The following IGF2BP1 variants were observed in gnomAD, a reference collection of about 807,000 sequenced individuals.
IGF2BP1 encodes the protein insulin like growth factor 2 mRNA binding protein 1.
Under a neutral mutation model 74.9 loss-of-function variants are expected in IGF2BP1, and 11 were observed. That is an observed-to-expected ratio of 0.15 (90% CI 0.09 to 0.24). The LOEUF (loss-of-function observed/expected upper bound fraction) is 0.24. Among genes scored for constraint, IGF2BP1 ranks in the 10% least tolerant of loss-of-function variants. IGF2BP1 has a pLI of 1.00. For missense variants in IGF2BP1, 440 were observed against 757.4 expected, an observed-to-expected ratio of 0.58 and a Z score of 4.92; for synonymous variants, 287 against 281.8, an observed-to-expected ratio of 1.02 and a Z score of -0.18.
intron 4 of IGF2BP1, 138 bp downstream of exon 4, chr17:49,026,655 T>G (rs1263635826): frequency 2.2e-5 from 14 of 634,652 alleles, no homozygotes; most frequent in East Asian, 2.0e-4. Context: ...CTGCCTGCCT[T>G]CCTGCCTTCC....
intron 14 of IGF2BP1, among the ~76,000 whole-genome samples, chr17:49,046,734 T>G (rs1215560297): frequency 3.3e-5 from 5 of 151,786 alleles, no homozygotes; most frequent in Non-Finnish European, 7.4e-5. Flanking sequence ...GAAAGAAGAT[T>G]AGTTTTGTTC....
At chr17:49,024,457 A>T (rs1456029032) in intron 2 of IGF2BP1, among the ~76,000 whole-genome samples, 1 of 152,146 alleles carries the variant, frequency 6.6e-6, no homozygotes, top group Non-Finnish European at 1.5e-5. Context: ...ACAGTACTGT[A>T]TAGTTACTGG....
intron 2 of IGF2BP1, chr17:49,004,854 A>G (rs537499660): frequency 2.6e-5 from 4 of 152,342 alleles, no homozygotes; most frequent in Admixed American, 1.3e-4. Flanking sequence ...CCTGTACTCA[A>G]GAAAGTGTAT....
rs776186264 is a variant in IGF2BP1, at chr17:48,997,780, G to C, written c.35G>C (p.Ser12Thr). ...CTTTACATCGGCAACCTCAACGAGA[G>C]CGTGACCCCCGCGGACTTGGAGAAA... ...NKLYIGNLNE[S>T]VTPADLEKVF... Residue 12 changes from serine (S) to threonine (T), a missense_variant, in exon 1 of 15, where the codon AGC becomes ACC. Physicochemically the swap from Ser to Thr is moderately conservative, Grantham distance 58 (BLOSUM62 1). Coordinates refer to ENST00000290341, the MANE Select transcript of IGF2BP1 (RefSeq NM_006546.4). The surrounding 1 kb of genome is among the most constrained non-coding windows in gnomAD (Gnocchi z 4.8). 2.5e-6 allele frequency: 4 copies of C among 1,614,144 alleles called. No homozygotes were observed. Among genetic ancestry groups the C allele is most frequent in the Non-Finnish European group, 2.5e-6 (3 of 1,180,010 alleles).
At chr17:49,011,155 AAAAAAAAAAAAAC>A (rs1567811460) in intron 2 of IGF2BP1, among the ~76,000 whole-genome samples, 29 of 144,782 alleles carry the variant, frequency 2.0e-4, no homozygotes, top group South Asian at 1.7e-3. Flanking sequence ...AAAAAAAAAA[AAAAAAAAAAAAAC>A]AAACCCTAAA....
At chr17:49,009,984 G>A (rs955010226) in intron 2 of IGF2BP1, among the ~76,000 whole-genome samples, 4 of 152,046 alleles carry the variant, frequency 2.6e-5, no homozygotes, top group African/African-American at 9.6e-5. Flanking sequence ...GGAGTCTGAG[G>A]CAGGAGAATT....
At chr17:49,046,164 C>A in intron 13 of IGF2BP1, 96 bp from the exon 14 acceptor site, 2 of 1,436,554 alleles carry the variant, frequency 1.4e-6, no homozygotes, top group Non-Finnish European at 2.0e-6. Context: ...GGTCCTGACT[C>A]TTCCAGGTTC....
chr17:49,019,946 A>ATATT (rs1303243873), intron 2 of IGF2BP1, among the ~76,000 whole-genome samples: 3 of 42,306 alleles, frequency 7.1e-5, no homozygotes, highest in South Asian at 5.2e-4. Context: ...ATATATATAT[A>ATATT]TATTTATATA....
intron 4 of IGF2BP1, 102 bp from the exon 5 acceptor site, chr17:49,031,808 G>C: frequency 1.9e-6 from 2 of 1,060,028 alleles, no homozygotes. Context: ...TGGCCTGCCA[G>C]ATGTCTTCTT....
At chr17:49,030,623 CT>C (rs1284533394) in intron 4 of IGF2BP1, among the ~76,000 whole-genome samples, 192 of 145,230 alleles carry the variant, frequency 1.3e-3, no homozygotes, top group East Asian at 2.2e-3. Flanking sequence ...ACTAGTTGAA[CT>C]TTTTTTTTTT....
At chr17:49,011,157 AAAAAAAAAAAC>A (rs1567811471) in intron 2 of IGF2BP1, among the ~76,000 whole-genome samples, 12 of 149,478 alleles carry the variant, frequency 8.0e-5, no homozygotes, top group Non-Finnish European at 1.5e-4. Flanking sequence ...AAAAAAAAAA[AAAAAAAAAAAC>A]AAACCCTAAA....
At chr17:49,041,277 A>G in intron 7 of IGF2BP1, 101 bp from the exon 8 acceptor site, 1 of 1,308,698 alleles carries the variant, frequency 7.6e-7, no homozygotes, top group Non-Finnish European at 1.1e-6. Context: ...GAGATGTTTT[A>G]CTTGGAAATG....
At chr17:49,007,789 C>T (rs561351714) in intron 2 of IGF2BP1, among the ~76,000 whole-genome samples, 3 of 152,148 alleles carry the variant, frequency 2.0e-5, no homozygotes, top group Non-Finnish European at 4.4e-5. Flanking sequence ...TATTCTACTT[C>T]CTCCTTAAGG....
chr17:48,999,282 C>T (rs1010762718), intron 2 of IGF2BP1, 113 bp downstream of exon 2: 8 of 683,860 alleles, frequency 1.2e-5, no homozygotes, highest in African/African-American at 5.5e-5. Context: ...TGGTCTTTCC[C>T]ACCCCCAACT....
intron 5 of IGF2BP1, chr17:49,036,420 G>A (rs2041988605): frequency 1.3e-5 from 2 of 151,964 alleles, no homozygotes; most frequent in Non-Finnish European, 2.9e-5. Flanking sequence ...CCTGCGCGAA[G>A]ATGGCACGCA....
chr17:49,024,639 G>A (rs376225829), intron 2 of IGF2BP1, among the ~76,000 whole-genome samples: 1 of 152,096 alleles, frequency 6.6e-6, no homozygotes, highest in African/African-American at 2.4e-5. Context: ...AGGAAGAAAC[G>A]GCCTCAAAGA....
chr17:49,025,683 A>C lies in IGF2BP1; in HGVS notation c.285+17A>C. ...CGATGGGAAGTAAGTGTTTGGGGGA[A>C]ACTCTAAATGGAGTGGGATAGTGGA... is the stretch of plus-strand genomic sequence containing the variant. On this transcript the variant is annotated intron_variant, in intron 3 of 14. Transcript: ENST00000290341. 6.2e-7 allele frequency: 1 copy of C among 1,609,324 alleles called. No homozygotes were observed. Among genetic ancestry groups the C allele is most frequent in the East Asian group, 2.2e-5 (1 of 44,858 alleles).
At position 49,039,996 on chromosome 17, in the gene IGF2BP1, A is replaced by G; in HGVS notation, c.723A>G (p.Glu241=). 1 of 1,613,418 alleles carries G rather than the reference A, an allele frequency of 6.2e-7. No individual in the cohort carries two copies. The highest frequency in any genetic ancestry group is 1.3e-5 in the African/African-American group (1 of 74,992). The change falls in exon 7 of 15, where the codon GAA becomes GAG. Residue 241 remains glutamate, a synonymous_variant. Transcript: ENST00000290341. ...GGAAGGAGAACGCAGGTGCAGCTGAAAAAGCCATCAGTGTGCACTCCACCC... is the reference window on the plus strand; with the variant it reads ...GGAAGGAGAACGCAGGTGCAGCTGAGAAAGCCATCAGTGTGCACTCCACCC... ...VHRKENAGAA[E]KAISVHSTPE...
chr17:49,017,755 C>A (rs1301000531), intron 2 of IGF2BP1: 1 of 151,760 alleles, frequency 6.6e-6, no homozygotes, highest in Non-Finnish European at 1.5e-5. Context: ...ATTACAGGCG[C>A]CTGCCACCAC....
Sources: allele counts gnomAD v4.1 joint callset (sites outside exome capture counted in the v4.1 genomes callset), GRCh38; gene constraint gnomAD v4.1.1; non-coding constraint Gnocchi (gnomAD v3.1); transcripts MANE v1.5; gene names NCBI Gene and HGNC (gene_info 2026-07-23, HGNC 2026-07-21).